The following CCDC102B variants were observed in gnomAD, a reference collection of about 807,000 sequenced individuals.
CCDC102B encodes the protein coiled-coil domain containing 102B.
CCDC102B carries 75 observed loss-of-function variants against 57.4 expected under a neutral mutation model. The observed-to-expected ratio is 1.31, with a 90% CI of 1.08 to 1.58. The LOEUF is 1.58. Among genes scored for constraint, CCDC102B ranks in the 40% most tolerant of loss-of-function variants. The probability of loss-of-function intolerance (pLI) is 0.00; values close to 1 mark genes in which losing one functional copy is unlikely to be tolerated. For missense variants in CCDC102B, 636 were observed against 582.6 expected, an observed-to-expected ratio of 1.09 and a Z score of -0.94; for synonymous variants, 206 against 201.9, an observed-to-expected ratio of 1.02 and a Z score of -0.17.
chr18:68,969,846 G>C (rs1384920397), intron 6 of CCDC102B, among the ~76,000 whole-genome samples: 1 of 151,876 alleles, frequency 6.6e-6, no homozygotes, highest in Non-Finnish European at 1.5e-5. Context: ...AATTTCAGAA[G>C]CATGTAATCA....
chr18:68,764,822 G>A (rs1326647510), intron 2 of CCDC102B, among the ~76,000 whole-genome samples: 1 of 151,798 alleles, frequency 6.6e-6, no homozygotes, highest in African/African-American at 2.4e-5. Context: ...CATCAGTTGA[G>A]CCCAGGAGTT....
intron 7 of CCDC102B, among the ~76,000 whole-genome samples, chr18:69,041,797 A>G (rs1375197804): frequency 6.6e-6 from 1 of 151,718 alleles, no homozygotes; most frequent in African/African-American, 2.4e-5. Flanking sequence ...GTGTTTTGCT[A>G]GCTTTGGGGT....
In CCDC102B at chr18:68,800,167, GA is replaced by G. The variant is rs2035795108; in HGVS notation, c.-16+1987del. On this transcript the variant is annotated intron_variant, in intron 1 of 7. Transcript: ENST00000360242. ...AACCTGCTGTTCAGAAACGTTCAAT[GA>G]TTTGCTTAAAGCCACAGATAAAGAA... Among the ~76,000 whole-genome samples the G allele has an allele frequency of 2.0e-5, 3 of 152,100 alleles. No individual in the cohort carries two copies. The South Asian group carries it at 6.2e-4, about 31-fold the overall frequency.
At chr18:69,036,965 A>G (rs1289395776) in intron 7 of CCDC102B, among the ~76,000 whole-genome samples, 2 of 152,012 alleles carry the variant, frequency 1.3e-5, no homozygotes, top group Non-Finnish European at 1.5e-5. Context: ...TGCACTGCAT[A>G]TCAATGAAGC....
chr18:68,769,190 C>A (rs1242547045), intron 2 of CCDC102B, among the ~76,000 whole-genome samples: 1 of 150,660 alleles, frequency 6.6e-6, no homozygotes, highest in Non-Finnish European at 1.5e-5. Flanking sequence ...GAGGCGGAGG[C>A]TGCGGTGAGC....
intron 7 of CCDC102B, among the ~76,000 whole-genome samples, chr18:69,014,589 G>GTATAGTATA (rs2051609161): frequency 6.6e-6 from 1 of 151,948 alleles, no homozygotes; most frequent in African/African-American, 2.4e-5. Flanking sequence ...TATTGGGCAA[G>GTATAGTATA]CATGTGTGTG....
chr18:68,881,576 A>G (rs2039693897), intron 5 of CCDC102B, among the ~76,000 whole-genome samples: 1 of 152,126 alleles, frequency 6.6e-6, no homozygotes, highest in African/African-American at 2.4e-5. Context: ...GGTGGATTTC[A>G]TCCAAACAAT....
intron 6 of CCDC102B, among the ~76,000 whole-genome samples, chr18:68,970,947 A>G (rs980261169): frequency 6.6e-6 from 1 of 151,960 alleles, no homozygotes; most frequent in Non-Finnish European, 1.5e-5. Context: ...TGTGCAGTAT[A>G]TATGTATATA....
At position 68,719,606 on chromosome 18, in the gene CCDC102B, C is replaced by G. The variant is rs185470497; in HGVS notation, c.-67+3012C>G. On this transcript the variant is annotated intron_variant, in intron 2 of 3. Coordinates refer to the CCDC102B transcript ENST00000578970. Reference sequence around the variant, plus strand: ...ATTGGATGATGCCCCCACCTCCCCCCACCCCCAACAAATTGGGGAGGCCAT... The same window carrying G: ...ATTGGATGATGCCCCCACCTCCCCCGACCCCCAACAAATTGGGGAGGCCAT... Among the ~76,000 whole-genome samples, 172 of 152,300 alleles carry G rather than the reference C, an allele frequency of 1.1e-3. 2 individuals are homozygous for G. In the East Asian group the frequency reaches 0.013, roughly 12 times the overall value.
chr18:69,016,757 A>G (rs1388291640), intron 7 of CCDC102B, among the ~76,000 whole-genome samples: 1 of 152,134 alleles, frequency 6.6e-6, no homozygotes, highest in Non-Finnish European at 1.5e-5. Context: ...GATGAAGGTC[A>G]TTGGATTTTT....
At chr18:68,966,912 C>T (rs2050179493) in intron 6 of CCDC102B, among the ~76,000 whole-genome samples, 1 of 152,240 alleles carries the variant, frequency 6.6e-6, no homozygotes, top group East Asian at 1.9e-4. Context: ...CCATAGGCTA[C>T]TGCTTTGGTT....
At chr18:68,815,677 T>TAC (rs10592850) in intron 1 of CCDC102B, among the ~76,000 whole-genome samples, 20,177 of 149,142 alleles carry the variant, frequency 0.14, 1,727 homozygotes, top group East Asian at 0.45. Context: ...TCCATTTACA[T>TAC]ACACACACAC....
chr18:68,791,257 T>C (rs956365062), intron 2 of CCDC102B, among the ~76,000 whole-genome samples: 3 of 152,240 alleles, frequency 2.0e-5, no homozygotes, highest in African/African-American at 7.2e-5. Context: ...ATTAATGTTT[T>C]TGTTAAGTTG....
At chr18:68,761,431 C>T (rs17809026) in intron 2 of CCDC102B, among the ~76,000 whole-genome samples, 34,878 of 151,744 alleles carry the variant, frequency 0.23, 4,776 homozygotes, top group Non-Finnish European at 0.31. Flanking sequence ...ATTCTGTTTA[C>T]GTGGGTAATC....
chr18:69,057,987 C>T (rs1037568899), downstream of CCDC102B, among the ~76,000 whole-genome samples: 2 of 151,960 alleles, frequency 1.3e-5, no homozygotes, highest in African/African-American at 4.8e-5. Flanking sequence ...CAACCCTCAC[C>T]TAACTCCCAC....
At chr18:68,728,530 C>T (rs2032706350) in intron 2 of CCDC102B, among the ~76,000 whole-genome samples, 1 of 152,178 alleles carries the variant, frequency 6.6e-6, no homozygotes, top group East Asian at 1.9e-4. Flanking sequence ...CAACTGTGCT[C>T]TTGCATTATC....
intron 1 of CCDC102B, among the ~76,000 whole-genome samples, chr18:68,834,972 ATAT>A (rs1205774853): frequency 6.6e-6 from 1 of 152,090 alleles, no homozygotes; most frequent in East Asian, 1.9e-4. Flanking sequence ...TGCACATAAA[ATAT>A]TATATAAGAT....
intron 2 of CCDC102B, 83 bp downstream of exon 2, chr18:68,837,452 T>G: frequency 1.5e-6 from 2 of 1,337,796 alleles, no homozygotes; most frequent in Non-Finnish European, 2.1e-6. Context: ...ACAAATGCAA[T>G]GGTGATTATA....
At chr18:68,878,649 G>T (rs8099382) in intron 5 of CCDC102B, among the ~76,000 whole-genome samples, 138,921 of 152,170 alleles carry the variant, frequency 0.91, 63,474 homozygotes, top group East Asian at 0.99. Flanking sequence ...AAGCAGGTCC[G>T]CACCAGGTAC....
Sources: gnomAD v4.1 joint callset for allele counts (sites outside exome capture counted in the v4.1 genomes callset) on GRCh38, gnomAD v4.1.1 for gene constraint, MANE v1.5 for transcripts, NCBI Gene and HGNC (gene_info 2026-07-23, HGNC 2026-07-21) for gene names.